Variants in SLC9C1 observed in about 807,000 individuals in gnomAD.
SLC9C1 encodes sodium/hydrogen exchanger 10.
In SLC9C1, 97 loss-of-function variants were observed where a neutral mutation model predicts 140.9. The observed-to-expected ratio is 0.69, with a 90% confidence interval of 0.58 to 0.82. SLC9C1 has a LOEUF of 0.82. Among genes scored for constraint, SLC9C1 ranks in the 40% least tolerant of loss-of-function variants. SLC9C1 has a pLI of 0.00. For missense variants in SLC9C1, 1,340 were observed against 1,389.3 expected, an observed-to-expected ratio of 0.96 and a Z score of 0.56; for synonymous variants, 440 against 442.6, an observed-to-expected ratio of 0.99 and a Z score of 0.07.
intron 16 of SLC9C1, among the ~76,000 whole-genome samples, chr3:112,206,518 A>G (rs2078054086): frequency 6.6e-6 from 1 of 152,192 alleles, no homozygotes; most frequent in Non-Finnish European, 1.5e-5. Context: ...ATTATAAATC[A>G]TGTTACTATA....
At chr3:112,167,816 A>C (rs1412998030) in intron 25 of SLC9C1, among the ~76,000 whole-genome samples, 1 of 152,210 alleles carries the variant, frequency 6.6e-6, no homozygotes, top group Non-Finnish European at 1.5e-5. Context: ...CTAGGAAAGT[A>C]GATAGAGTTT....
At chr3:112,180,442 G>T in intron 22 of SLC9C1, 122 bp downstream of exon 22, 1 of 635,142 alleles carries the variant, frequency 1.6e-6, no homozygotes, top group Non-Finnish European at 2.6e-6. Flanking sequence ...AGTATCACTT[G>T]AACCCAGGAG....
At chr3:112,292,708 T>A (rs2080720969) in intron 1 of SLC9C1, among the ~76,000 whole-genome samples, 1 of 151,264 alleles carries the variant, frequency 6.6e-6, no homozygotes, top group African/African-American at 2.4e-5. Context: ...CACGCCCGGC[T>A]AATTTTTTGT....
chr3:112,251,270 A>G (rs779277725), intron 10 of SLC9C1, among the ~76,000 whole-genome samples: 4 of 152,056 alleles, frequency 2.6e-5, no homozygotes, highest in Non-Finnish European at 4.4e-5. Flanking sequence ...TAGGAGTGAC[A>G]CAGAGTCAGG....
At position 112,278,757 on chromosome 3, in the gene SLC9C1, G is replaced by T. The variant is rs765800521; in HGVS notation, c.290C>A (p.Thr97Lys). The change falls in exon 4 of 29, where the codon ACG (threonine) becomes AAG (lysine). Residue 97 changes from threonine (T) to lysine (K), a missense_variant. Transcript: ENST00000305815. ...CCAAAATAACTTTTGAAGCATGTAC[G>T]TATCCATGTCAAATGCAGTAGTAAA... ...VFFTTAFDMD[T>K]YMLQKLFWQI... is the part of the protein sequence containing the mutation. The T allele has an allele frequency of 6.2e-7, 1 of 1,609,696 alleles. No individual in the cohort carries two copies.
chr3:112,162,079 G>T (rs933409383), intron 26 of SLC9C1, among the ~76,000 whole-genome samples: 3 of 152,140 alleles, frequency 2.0e-5, no homozygotes, highest in Admixed American at 6.5e-5. Context: ...TTTGTCTGTT[G>T]TTGGTGTATA....
At chr3:112,154,894 G>C in intron 27 of SLC9C1, 103 bp downstream of exon 27, 1 of 1,098,122 alleles carries the variant, frequency 9.1e-7, no homozygotes, top group Non-Finnish European at 1.3e-6. Flanking sequence ...ATGACTAGCA[G>C]ATGAACTTTT....
chr3:112,165,931 C>A (rs1039948178), intron 26 of SLC9C1, among the ~76,000 whole-genome samples: 1 of 152,216 alleles, frequency 6.6e-6, no homozygotes, highest in African/African-American at 2.4e-5. Context: ...GTTCGATCTT[C>A]CTGGCCGCTT....
chr3:112,286,925 C>G lies in SLC9C1; in HGVS notation c.-87-47G>C, dbSNP rs911463535. On this transcript the variant is annotated intron_variant, in intron 1 of 28. Transcript: ENST00000305815. Reference sequence around the variant, plus strand: ...TTCTTGGTGGCCTTCTAATAATTTTCTAAAAAAGAAAAAAAGCCCTATTCT... The same window carrying G: ...TTCTTGGTGGCCTTCTAATAATTTTGTAAAAAAGAAAAAAAGCCCTATTCT... 7.6e-6 allele frequency: 4 copies of G among 527,154 alleles called. No homozygotes were observed. The African/African-American group carries it at 8.0e-5, about 10-fold the overall frequency. 32.7% of individuals were successfully genotyped at this position (527,154 alleles called of 1,614,324 possible).
At chr3:112,204,144 T>C (rs974444154) in intron 17 of SLC9C1, 74 bp downstream of exon 17, 57 of 1,330,220 alleles carry the variant, frequency 4.3e-5, no homozygotes, top group African/African-American at 3.2e-4. Flanking sequence ...ATAAAACTAG[T>C]AAACTAATTT....
intron 26 of SLC9C1, 100 bp from the exon 27 acceptor site, chr3:112,155,149 C>T (rs7622733): frequency 0.28 from 271,668 of 960,110 alleles, 39,879 homozygotes; most frequent in Admixed American, 0.36. Flanking sequence ...AAATCACACT[C>T]AGGACCTGTG....
chr3:112,150,832 ATATATATATTT>A lies in SLC9C1; in HGVS notation c.3524+1014_3524+1024del, dbSNP rs1560003592. On this transcript the variant is annotated intron_variant, in intron 28 of 28. Transcript: ENST00000305815. ...TATAAATACATATACATATATATAT[ATATATATATTT>A]TTTTTTTTTTTTGAGATGAAGTCTC... Among the ~76,000 whole-genome samples the A allele has an allele frequency of 2.2e-3, 82 of 36,928 alleles. 2 individuals are homozygous for A. The highest frequency in any genetic ancestry group is 2.3e-3 in the East Asian group (1 of 440). 24.2% of individuals were successfully genotyped at this position (36,928 alleles called of 152,430 possible).
intron 3 of SLC9C1, among the ~76,000 whole-genome samples, chr3:112,279,911 G>A (rs1276316888): frequency 1.3e-5 from 2 of 152,214 alleles, no homozygotes; most frequent in Non-Finnish European, 2.9e-5. Context: ...TAGCTGGCAA[G>A]TAGAGAAAAA....
chr3:112,234,235 A>G (rs1243256829), intron 12 of SLC9C1, among the ~76,000 whole-genome samples: 3 of 152,192 alleles, frequency 2.0e-5, no homozygotes, highest in Non-Finnish European at 1.5e-5. Context: ...ATGACCAGTA[A>G]TGATGAGCAT....
chr3:112,171,955 T>C (rs2077255292), intron 23 of SLC9C1, among the ~76,000 whole-genome samples: 1 of 152,200 alleles, frequency 6.6e-6, no homozygotes. Flanking sequence ...TTTTCTGTTG[T>C]ATTGATCTCT....
Position 112,266,279 on chromosome 3 carries a change from A to C in SLC9C1, c.837T>G (p.Ser279=). Residue 279 remains serine (S), a synonymous_variant, in exon 8 of 29, where the codon TCT becomes TCG. Coordinates refer to ENST00000305815, the MANE Select transcript of SLC9C1 (RefSeq NM_183061.3). ...CTTCAATTGCTGCTTTAAAACTTGT[A>C]GAATTTAAAAGAAGTCCCACAATGG... ...TLAIVGLLLN[S]TSFKAAIEET... The C allele has an allele frequency of 6.2e-7, 1 of 1,611,216 alleles. No individual in the cohort carries two copies. The highest frequency in any genetic ancestry group is 8.5e-7 in the Non-Finnish European group (1 of 1,178,894).
intron 13 of SLC9C1, among the ~76,000 whole-genome samples, chr3:112,222,851 T>A (rs897086562): frequency 6.6e-6 from 1 of 152,182 alleles, no homozygotes; most frequent in East Asian, 1.9e-4. Context: ...TCATAAATAT[T>A]AATTTATTAA....
At chr3:112,291,490 G>A in intron 1 of SLC9C1, among the ~76,000 whole-genome samples, 1 of 151,882 alleles carries the variant, frequency 6.6e-6, no homozygotes, top group Non-Finnish European at 1.5e-5. Context: ...AGACATACAT[G>A]CTGCCAACAA....
intron 28 of SLC9C1, among the ~76,000 whole-genome samples, chr3:112,141,919 C>T (rs1032272809): frequency 1.3e-5 from 2 of 152,126 alleles, no homozygotes; most frequent in Admixed American, 1.3e-4. Context: ...TCATATTTTA[C>T]ATTGATCTAT....
Sources: gnomAD v4.1 joint callset for allele counts (sites outside exome capture counted in the v4.1 genomes callset) on GRCh38, gnomAD v4.1.1 for gene constraint, MANE v1.5 for transcripts, NCBI Gene and HGNC (gene_info 2026-07-23, HGNC 2026-07-21) for gene names.